DNAH1: variants seen among roughly 807,000 people sequenced by gnomAD.
The protein encoded by DNAH1 is axonemal beta dynein heavy chain 1.
Under a neutral mutation model 484.3 loss-of-function variants are expected in DNAH1, and 327 were observed. That is an observed-to-expected ratio of 0.68 (90% CI 0.62 to 0.74). DNAH1 has a LOEUF of 0.74. Ranked by LOEUF, DNAH1 falls within the 30% of genes least tolerant of loss-of-function variation. The pLI is 0.00. For missense variants in DNAH1, 5,052 were observed against 5,546.8 expected (o/e 0.91, Z 2.83); for synonymous variants, 2,192 against 2,191.9 (o/e 1.00, Z 0.00).
chr3:52,324,085 G>A (rs1194529688), intron 3 of DNAH1, among the ~76,000 whole-genome samples: 1 of 152,134 alleles, frequency 6.6e-6, no homozygotes, highest in East Asian at 1.9e-4. Context: ...TACTCTTAGT[G>A]GAGCCATGAC....
chr3:52,311,777 C>T (rs1222583330), upstream of DNAH1, among the ~76,000 whole-genome samples: 2 of 152,164 alleles, frequency 1.3e-5, no homozygotes, highest in African/African-American at 2.4e-5. Context: ...AGGGGAGGGG[C>T]TGGCTATGTG....
At chr3:52,385,499 C>CT in intron 54 of DNAH1, 52 bp downstream of exon 54, 2 of 1,456,754 alleles carry the variant, frequency 1.4e-6, no homozygotes, top group South Asian at 2.4e-5. Flanking sequence ...GGAAGCTCGG[C>CT]ACCCCCACAC....
rs1015787829 is a variant in DNAH1 at position 52,394,963 on chromosome 3, G to A, written c.10872G>A (p.Lys3624=). The change falls in exon 68 of 78, where the codon AAG becomes AAA. Residue 3624 remains lysine (K), a synonymous_variant. Transcript: ENST00000420323. ...IWDQYLDQFQ[K]LLVLRCLRGD... ...ACCAGTACCTAGACCAGTTCCAGAA[G>A]CTGCTAGTCCTCCGCTGCCTGCGTG... The A allele has an allele frequency of 1.2e-6, 2 of 1,613,520 alleles. No homozygotes were observed. The highest frequency in any genetic ancestry group is 1.7e-6 in the Non-Finnish European group (2 of 1,179,718).
Position 52,353,249 on chromosome 3 carries a change from T to C in DNAH1, c.3174T>C (p.Val1058=). ...IDAEQLEKNV[V]EAFKTMHKCV... Reference sequence around the variant, plus strand: ...CTGAGCAGCTGGAGAAGAACGTGGTTGAAGCCTTCAAGACCATGCACAAGT... The same window carrying C: ...CTGAGCAGCTGGAGAAGAACGTGGTCGAAGCCTTCAAGACCATGCACAAGT... The change falls in exon 19 of 78, where the codon GTT becomes GTC. Residue 1058 remains valine, a synonymous_variant. Transcript: ENST00000420323. The surrounding 1 kb of genome is among the most constrained non-coding windows in gnomAD (Gnocchi z 5.0). 1 of 1,613,998 alleles carries C rather than the reference T, an allele frequency of 6.2e-7. No individual in the cohort carries two copies. The highest frequency in any genetic ancestry group is 8.5e-7 in the Non-Finnish European group (1 of 1,179,898).
At chr3:52,340,032 G>A (rs1701878414) in intron 8 of DNAH1, among the ~76,000 whole-genome samples, 1 of 151,998 alleles carries the variant, frequency 6.6e-6, no homozygotes, top group Non-Finnish European at 1.5e-5. Context: ...TCCCTTCCTT[G>A]TAGTAAGTGC....
chr3:52,350,684 G>A (rs1435515279), intron 16 of DNAH1, 94 bp downstream of exon 16: 1 of 1,168,518 alleles, frequency 8.6e-7, no homozygotes, highest in Non-Finnish European at 1.3e-6. Context: ...AGCTGCCACA[G>A]TCTGTGCAAT....
At chr3:52,346,873 C>A in intron 11 of DNAH1, 103 bp downstream of exon 11, 1 of 1,296,100 alleles carries the variant, frequency 7.7e-7, no homozygotes, top group Non-Finnish European at 1.1e-6. Context: ...CCATCCATGC[C>A]AGGTCCCAGG....
Position 52,381,969 on chromosome 3 carries a change from G to A in DNAH1, c.7805+133G>A. 2 of 994,766 alleles carry A rather than the reference G, an allele frequency of 2.0e-6. No homozygotes were observed. Among genetic ancestry groups the A allele is most frequent in the South Asian group, 3.4e-5 (2 of 58,592 alleles). 61.6% of individuals were successfully genotyped at this position (994,766 alleles called of 1,614,324 possible). ...AGGCCCGTGCAGCCTACAGGCTTCTGGAAAGACTAGTAGCAGGATCTGGGC... is the reference window on the plus strand; with the variant it reads ...AGGCCCGTGCAGCCTACAGGCTTCTAGAAAGACTAGTAGCAGGATCTGGGC... On this transcript the variant is annotated intron_variant, in intron 49 of 77. Coordinates refer to ENST00000420323, the MANE Select transcript of DNAH1 (RefSeq NM_015512.5). The surrounding 1 kb of genome is among the most constrained non-coding windows in gnomAD (Gnocchi z 4.1).
intron 44 of DNAH1, chr3:52,374,569 G>T: frequency 1.3e-6 from 2 of 1,503,048 alleles, no homozygotes; most frequent in South Asian, 1.1e-5. Context: ...TGTGTCTCCA[G>T]CCCACACTTC....
At chr3:52,321,200 T>G (rs1486347897) in intron 1 of DNAH1, among the ~76,000 whole-genome samples, 1 of 151,820 alleles carries the variant, frequency 6.6e-6, no homozygotes, top group Non-Finnish European at 1.5e-5. Flanking sequence ...CACTGTAACC[T>G]CTGCCTCCCG....
At chr3:52,372,800 G>A in intron 43 of DNAH1, 96 bp from the exon 44 acceptor site, 1 of 1,493,734 alleles carries the variant, frequency 6.7e-7, no homozygotes, top group South Asian at 1.3e-5. Flanking sequence ...AATTTAGCAA[G>A]GGCTTCCCAG....
At position 52,399,676 on chromosome 3, in the gene DNAH1, G is replaced by A. The variant is rs1359407801; in HGVS notation, c.12573G>A (p.Leu4191=). Residue 4191 remains leucine, a synonymous_variant, in exon 77 of 78, where the codon CTG becomes CTA. Transcript: ENST00000420323. The stretch of plus-strand genomic sequence containing the variant: ...TGGCTGAGTCTCAGCCCAAGGAGCT[G>A]TACACAGAGATGGCCGTTATCTGGC... ...FQLAESQPKE[L]YTEMAVIWLL... The A allele has an allele frequency of 6.8e-6, 11 of 1,613,908 alleles. No homozygotes were observed. Among genetic ancestry groups the A allele is most frequent in the Non-Finnish European group, 9.3e-6 (11 of 1,179,904 alleles).
In DNAH1 at chr3:52,396,263, C is replaced by A. The variant is rs1439658752; in HGVS notation, c.11260-105C>A. ...CCCAATTCTTAACCAGTTGTCTGTG[C>A]AGCCTCGCCTGACCCACCTCAGGGT... On this transcript the variant is annotated intron_variant, in intron 70 of 77. Transcript: ENST00000420323. The A allele has an allele frequency of 9.3e-6, 12 of 1,284,356 alleles. No homozygotes were observed. In the East Asian group the frequency reaches 2.3e-4, roughly 24 times the overall value. 79.6% of individuals were successfully genotyped at this position (1,284,356 alleles called of 1,614,324 possible).
chr3:52,317,806 C>A (rs1229019848), intron 1 of DNAH1: 1 of 152,254 alleles, frequency 6.6e-6, no homozygotes, highest in Non-Finnish European at 1.5e-5. Flanking sequence ...ACGGAAGCTC[C>A]CGCCCTGCGG....
chr3:52,372,519 C>T, intron 43 of DNAH1, 132 bp downstream of exon 43: 1 of 1,275,144 alleles, frequency 7.8e-7, no homozygotes, highest in South Asian at 1.4e-5. Flanking sequence ...GACAGCCCCC[C>T]AATGGGCCCA....
intron 44 of DNAH1, chr3:52,373,899 A>G (rs1428698148): frequency 5.1e-6 from 7 of 1,380,846 alleles, no homozygotes; most frequent in African/African-American, 1.4e-5. Flanking sequence ...CTCCAATCCT[A>G]CGGGAGCAGA....
chr3:52,327,957 G>T lies in DNAH1; in HGVS notation c.814G>T (p.Asp272Tyr). The T allele has an allele frequency of 6.2e-7, 1 of 1,613,962 alleles. No homozygotes were observed. Among genetic ancestry groups the T allele is most frequent in the South Asian group, 1.1e-5 (1 of 91,084 alleles). The change falls in exon 6 of 78, where the codon GAC becomes TAC. Residue 272 changes from aspartate (D) to tyrosine (Y), a missense_variant. Physicochemically the swap from Asp to Tyr is radical, Grantham distance 160. This residue lies in a region of DNAH1 where 1,263 missense variants were observed against 1,218.8 expected (regional missense o/e 1.04). Transcript: ENST00000420323. ...CATGGGCTTGGAGCCAGGGTCTCTG[G>T]ACAGGAAACCTGTCCCGGGAAAAGC... ...INMGLEPGSLDRKPVPGKALL... is the reference protein window; with the variant it reads ...INMGLEPGSLYRKPVPGKALL...
chr3:52,388,847 G>A lies in DNAH1; in HGVS notation c.9405G>A (p.Glu3135=), dbSNP rs1704238944. 1 of 1,613,784 alleles carries A rather than the reference G, an allele frequency of 6.2e-7. No individual in the cohort carries two copies. The highest frequency in any genetic ancestry group is 8.5e-7 in the Non-Finnish European group (1 of 1,179,878). Residue 3135 remains glutamate, a synonymous_variant, in exon 59 of 78, where the codon GAG becomes GAA. Coordinates refer to ENST00000420323, the MANE Select transcript of DNAH1 (RefSeq NM_015512.5). ...GLSDEKVRWQ[E]TVENLQYMLN... is the part of the protein sequence containing the mutation. ...CGGATGAGAAGGTGCGCTGGCAGGA[G>A]ACGGTGGAGAACCTGCAGTACATGC... is the stretch of plus-strand genomic sequence containing the variant.
chr3:52,358,860 C>T lies in DNAH1; in HGVS notation c.4266+123C>T, dbSNP rs569555176. On this transcript the variant is annotated intron_variant, in intron 25 of 77. Coordinates refer to ENST00000420323, the MANE Select transcript of DNAH1 (RefSeq NM_015512.5). This position sits in a 1 kb window ranked among gnomAD's most constrained non-coding sequence, Gnocchi z 4.2. Reference sequence around the variant, plus strand: ...GCCCTGAGGTCCCTGGGGGCTCAGGCGGGATTCTGGAGTCTTTCCTTTCCA... The same window carrying T: ...GCCCTGAGGTCCCTGGGGGCTCAGGTGGGATTCTGGAGTCTTTCCTTTCCA... The T allele has an allele frequency of 4.1e-4, 490 of 1,183,544 alleles. 1 individual carries two copies. The highest frequency in any genetic ancestry group is 2.1e-3 in the South Asian group (145 of 70,730). The allele number at this position is 1,183,544 out of a possible 1,614,324, so 73.3% of individuals were successfully genotyped here.
Sources: allele counts gnomAD v4.1 joint callset (sites outside exome capture counted in the v4.1 genomes callset), GRCh38; gene constraint gnomAD v4.1.1; regional missense constraint gnomAD v4.1.1; non-coding constraint Gnocchi (gnomAD v3.1); transcripts MANE v1.5; gene names NCBI Gene and HGNC (gene_info 2026-07-23, HGNC 2026-07-21).